Variants in NKAIN2 observed in about 807,000 individuals in gnomAD.
The protein encoded by NKAIN2 is sodium/potassium transporting ATPase interacting 2.
Under a neutral mutation model 32.6 loss-of-function variants are expected in NKAIN2, and 14 were observed. The observed-to-expected ratio is 0.43, with a 90% CI of 0.28 to 0.67. The LOEUF is 0.67. NKAIN2 is among the 30% of genes least tolerant of loss of function. The pLI is 0.17. For missense variants in NKAIN2, 198 were observed against 258.3 expected (o/e 0.77, Z 1.60); for synonymous variants, 80 against 87.2 (o/e 0.92, Z 0.46).
chr6:124,636,003 G>A (rs1783759610), intron 3 of NKAIN2, among the ~76,000 whole-genome samples: 1 of 151,972 alleles, frequency 6.6e-6, no homozygotes, highest in Non-Finnish European at 1.5e-5. Flanking sequence ...CTTCTCATCA[G>A]GACATGAAAC....
intron 6 of NKAIN2, among the ~76,000 whole-genome samples, chr6:124,822,468 C>T (rs1781431804): frequency 6.6e-6 from 1 of 152,182 alleles, no homozygotes; most frequent in Admixed American, 6.5e-5. Flanking sequence ...AGCTGTGGGG[C>T]TCCCACTGTT....
Position 124,265,953 on chromosome 6 carries a change from G to C in NKAIN2, c.55-17052G>C, listed in dbSNP as rs76438183. 3.3e-5 allele frequency among the ~76,000 whole-genome samples: 5 copies of C among 152,046 alleles called. No individual in the cohort carries two copies. The East Asian group carries it at 7.7e-4, about 24-fold the overall frequency. On this transcript the variant is annotated intron_variant, in intron 1 of 6. Transcript: ENST00000368417. ...TAAATCAAATAAACCCCATCAAGAA[G>C]AACTGAAAAATAAACAAAACCCAAA...
chr6:124,229,076 T>TA (rs891439161), intron 1 of NKAIN2, among the ~76,000 whole-genome samples: 1 of 152,208 alleles, frequency 6.6e-6, no homozygotes, highest in Non-Finnish European at 1.5e-5. Flanking sequence ...TAGGAAAAGA[T>TA]ATGTAGTCAT....
At chr6:124,028,902 T>G (rs547267844) in intron 1 of NKAIN2, among the ~76,000 whole-genome samples, 3 of 81,296 alleles carry the variant, frequency 3.7e-5, no homozygotes, top group African/African-American at 3.2e-4. Flanking sequence ...TATATATATA[T>G]ACACATATAT....
intron 3 of NKAIN2, among the ~76,000 whole-genome samples, chr6:124,492,447 A>G (rs1187186717): frequency 6.6e-6 from 1 of 151,962 alleles, no homozygotes; most frequent in Non-Finnish European, 1.5e-5. Context: ...TTTAGAAAAT[A>G]TCAGCTTTGA....
At chr6:124,780,288 A>G (rs1367710551) in intron 4 of NKAIN2, among the ~76,000 whole-genome samples, 1 of 152,174 alleles carries the variant, frequency 6.6e-6, no homozygotes, top group East Asian at 1.9e-4. Flanking sequence ...AGTCCAGTTT[A>G]AGAATTAATA....
rs191610125 is a variant in NKAIN2, at chr6:124,249,474, C to T, written c.55-33531C>T. On this transcript the variant is annotated intron_variant, in intron 1 of 6. Coordinates refer to ENST00000368417, the MANE Select transcript of NKAIN2 (RefSeq NM_001040214.3). ...TGTTTTATACATGTCAATTTATGGT[C>T]CAGGTTCTCTCACTAAGAAGACAGG... Among the ~76,000 whole-genome samples the T allele has an allele frequency of 2.1e-3, 324 of 152,120 alleles. 2 individuals carry two copies. Among genetic ancestry groups the T allele is most frequent in the African/African-American group, 7.5e-3 (310 of 41,508 alleles).
At chr6:124,110,666 A>G (rs1785342324) in intron 1 of NKAIN2, among the ~76,000 whole-genome samples, 1 of 152,024 alleles carries the variant, frequency 6.6e-6, no homozygotes. Flanking sequence ...CTGTTCTTGC[A>G]TTAATTTGCT....
At chr6:124,012,880 A>G (rs935443649) in intron 1 of NKAIN2, among the ~76,000 whole-genome samples, 4 of 143,330 alleles carry the variant, frequency 2.8e-5, no homozygotes, top group Admixed American at 2.1e-4. Context: ...TTTATAAGGT[A>G]TATGTTTTGC....
At chr6:123,861,918 A>T (rs1206640208) in intron 1 of NKAIN2, among the ~76,000 whole-genome samples, 1 of 152,198 alleles carries the variant, frequency 6.6e-6, no homozygotes, top group Non-Finnish European at 1.5e-5. Context: ...AGGAAAATTA[A>T]ATAAGGTTAA....
chr6:124,347,906 G>A (rs1024441992), intron 2 of NKAIN2, among the ~76,000 whole-genome samples: 2 of 152,292 alleles, frequency 1.3e-5, no homozygotes, highest in African/African-American at 4.8e-5. Context: ...AGGAGGAGAG[G>A]CGCTCTGCTT....
chr6:124,261,187 G>T (rs1204174860), intron 1 of NKAIN2, among the ~76,000 whole-genome samples: 3 of 152,186 alleles, frequency 2.0e-5, no homozygotes, highest in Admixed American at 2.0e-4. Context: ...CCAGATAGGA[G>T]AAATAAACAG....
At chr6:124,451,586 C>A (rs1776110352) in intron 3 of NKAIN2, among the ~76,000 whole-genome samples, 1 of 152,120 alleles carries the variant, frequency 6.6e-6, no homozygotes, top group Non-Finnish European at 1.5e-5. Context: ...ATGATTTATA[C>A]ATTACACCTC....
intron 3 of NKAIN2, among the ~76,000 whole-genome samples, chr6:124,615,378 A>G (rs1190300109): frequency 6.6e-6 from 1 of 152,200 alleles, no homozygotes; most frequent in East Asian, 1.9e-4. Context: ...ACTAAAACTA[A>G]CAAGCAAATT....
At chr6:124,508,252 G>A (rs1239423693) in intron 3 of NKAIN2, among the ~76,000 whole-genome samples, 1 of 151,632 alleles carries the variant, frequency 6.6e-6, no homozygotes, top group Non-Finnish European at 1.5e-5. Context: ...GTAAGATCCG[G>A]CCTCAAAAAA....
chr6:124,404,180 G>C (rs1035656510), intron 3 of NKAIN2, among the ~76,000 whole-genome samples: 3 of 152,082 alleles, frequency 2.0e-5, no homozygotes, highest in Non-Finnish European at 4.4e-5. Context: ...GCCTGGGGGT[G>C]CTGCAAGTTT....
At chr6:124,499,095 C>T (rs1778183001) in intron 3 of NKAIN2, among the ~76,000 whole-genome samples, 1 of 152,068 alleles carries the variant, frequency 6.6e-6, no homozygotes, top group African/African-American at 2.4e-5. Context: ...CGTAAACTAC[C>T]TGTCAGTTGT....
intron 1 of NKAIN2, among the ~76,000 whole-genome samples, chr6:124,025,286 T>G (rs1781052697): frequency 2.0e-5 from 3 of 152,202 alleles, no homozygotes; most frequent in South Asian, 2.1e-4. Context: ...TCACAAATAG[T>G]GTGTATTGCT....
chr6:124,482,355 T>G (rs1405194454), intron 3 of NKAIN2, among the ~76,000 whole-genome samples: 1 of 152,196 alleles, frequency 6.6e-6, no homozygotes, highest in Non-Finnish European at 1.5e-5. Context: ...TGCAATAAAA[T>G]TCCTTTATAA....
Sources: gnomAD v4.1 joint callset for allele counts (sites outside exome capture counted in the v4.1 genomes callset) on GRCh38, gnomAD v4.1.1 for gene constraint, MANE v1.5 for transcripts, NCBI Gene and HGNC (gene_info 2026-07-23, HGNC 2026-07-21) for gene names.